NEMP2: variants seen among roughly 807,000 people sequenced by gnomAD.
NEMP2 encodes the protein UPF0571 transmembrane protein.
NEMP2 carries 53 observed loss-of-function variants against 54.2 expected under a neutral mutation model. The ratio of observed to expected loss-of-function variants is 0.98; its 90% CI spans 0.78 to 1.23. The LOEUF (loss-of-function observed/expected upper bound fraction) is 1.23. Among genes scored for constraint, NEMP2 ranks in the 50% most tolerant of loss-of-function variants. The probability of loss-of-function intolerance (pLI) is 0.00; values close to 1 mark genes in which losing one functional copy is unlikely to be tolerated. For synonymous variants in NEMP2, 197 were observed against 190.3 expected (o/e 1.04, Z -0.29); for missense variants, 455 against 511.3 (o/e 0.89, Z 1.06).
the NEMP2 span, among the ~76,000 whole-genome samples, chr2:190,642,548 CTATA>C: frequency 3.3e-5 from 5 of 152,112 alleles, no homozygotes; most frequent in South Asian, 2.1e-4. The surrounding 1 kb of genome is among the most constrained non-coding windows in gnomAD (Gnocchi z 4.1). Flanking sequence ...TTTATAATCT[CTATA>C]TATTTAAAAA....
chr2:190,617,968 C>T, the NEMP2 span, among the ~76,000 whole-genome samples: 3 of 152,202 alleles, frequency 2.0e-5, no homozygotes, highest in African/African-American at 4.8e-5. This position sits in a 1 kb window ranked among gnomAD's most constrained non-coding sequence, Gnocchi z 5.0. Flanking sequence ...TAGCTACTGC[C>T]CATTCTTTAA....
At chr2:190,422,484 G>C in the NEMP2 span, among the ~76,000 whole-genome samples, 1 of 152,180 alleles carries the variant, frequency 6.6e-6, no homozygotes, top group Admixed American at 6.5e-5. Flanking sequence ...GTGAGAAATT[G>C]CATGTGTAAA....
At chr2:190,642,986 A>G in the NEMP2 span, among the ~76,000 whole-genome samples, 1 of 144,192 alleles carries the variant, frequency 6.9e-6, no homozygotes, top group East Asian at 2.1e-4. The surrounding 1 kb of genome is among the most constrained non-coding windows in gnomAD (Gnocchi z 4.1). Flanking sequence ...TTTCACTGAA[A>G]ACTTTTTTTT....
the NEMP2 span, among the ~76,000 whole-genome samples, chr2:190,463,226 C>A: frequency 2.0e-5 from 3 of 152,168 alleles, no homozygotes; most frequent in East Asian, 5.8e-4. The surrounding 1 kb of genome is among the most constrained non-coding windows in gnomAD (Gnocchi z 4.4). Flanking sequence ...AGATTTAATT[C>A]TTTCAAGGCC....
At position 190,533,206 on chromosome 2, in the gene NEMP2, A is replaced by C. The variant is rs1327352044; in HGVS notation, c.97+1353T>G. 6.6e-6 allele frequency among the ~76,000 whole-genome samples: 1 copy of C among 152,236 alleles called. No individual in the cohort carries two copies. Among genetic ancestry groups the C allele is most frequent in the East Asian group, 1.9e-4 (1 of 5,196 alleles). On this transcript the variant is annotated intron_variant, in intron 1 of 8. Coordinates refer to ENST00000409150, the MANE Select transcript of NEMP2 (RefSeq NM_001142645.2). The surrounding 1 kb of genome is among the most constrained non-coding windows in gnomAD (Gnocchi z 4.3). Reference sequence around the variant, plus strand: ...AGGTTATACCACAAGTTGTGGCTGAAGGAATGAGTGGTCTAGAACCCAAGG... The same window carrying C: ...AGGTTATACCACAAGTTGTGGCTGACGGAATGAGTGGTCTAGAACCCAAGG...
the NEMP2 span, among the ~76,000 whole-genome samples, chr2:190,642,204 GT>G: frequency 6.6e-6 from 1 of 151,798 alleles, no homozygotes; most frequent in Non-Finnish European, 1.5e-5. The surrounding 1 kb of genome is among the most constrained non-coding windows in gnomAD (Gnocchi z 4.1). Context: ...ACCATCTCGG[GT>G]TTTTTTTTTG....
chr2:190,635,497 T>C, the NEMP2 span, among the ~76,000 whole-genome samples: 1 of 152,204 alleles, frequency 6.6e-6, no homozygotes, highest in Non-Finnish European at 1.5e-5. The surrounding 1 kb of genome is among the most constrained non-coding windows in gnomAD (Gnocchi z 4.1). Flanking sequence ...TTTACAGGCA[T>C]GAGCCACTGC....
chr2:190,601,708 C>G, the NEMP2 span, among the ~76,000 whole-genome samples: 1 of 152,166 alleles, frequency 6.6e-6, no homozygotes, highest in African/African-American at 2.4e-5. The surrounding 1 kb of genome is among the most constrained non-coding windows in gnomAD (Gnocchi z 5.8). Context: ...GCCAAAGAAT[C>G]TGTTTCTCCA....
the NEMP2 span, among the ~76,000 whole-genome samples, chr2:190,470,633 G>T: frequency 6.6e-6 from 1 of 152,164 alleles, no homozygotes; most frequent in Non-Finnish European, 1.5e-5. Flanking sequence ...TCTGTGATTT[G>T]ATTATATACG....
the NEMP2 span, among the ~76,000 whole-genome samples, chr2:190,563,598 C>T: frequency 2.6e-5 from 4 of 152,238 alleles, no homozygotes; most frequent in Admixed American, 6.5e-5. The surrounding 1 kb of genome is among the most constrained non-coding windows in gnomAD (Gnocchi z 4.3). Context: ...TCTACCACAA[C>T]GTATATGTAT....
the NEMP2 span, among the ~76,000 whole-genome samples, chr2:190,467,280 C>T: frequency 2.0e-5 from 3 of 152,154 alleles, no homozygotes; most frequent in African/African-American, 7.2e-5. This position sits in a 1 kb window ranked among gnomAD's most constrained non-coding sequence, Gnocchi z 5.5. Flanking sequence ...GCCTCGGCAT[C>T]TGTAGTTGTA....
upstream of NEMP2, among the ~76,000 whole-genome samples, chr2:190,539,325 A>C (rs1457283719): frequency 6.6e-6 from 1 of 152,170 alleles, no homozygotes; most frequent in Non-Finnish European, 1.5e-5. The surrounding 1 kb of genome is among the most constrained non-coding windows in gnomAD (Gnocchi z 4.1). Flanking sequence ...TTGTTATGCC[A>C]GTACCCTTCT....
chr2:190,439,956 A>C, the NEMP2 span, among the ~76,000 whole-genome samples: 1 of 152,208 alleles, frequency 6.6e-6, no homozygotes, highest in African/African-American at 2.4e-5. This position sits in a 1 kb window ranked among gnomAD's most constrained non-coding sequence, Gnocchi z 5.8. Context: ...TTGGGGATTT[A>C]AACTTTCCAC....
At chr2:190,443,800 A>G in the NEMP2 span, among the ~76,000 whole-genome samples, 1 of 152,200 alleles carries the variant, frequency 6.6e-6, no homozygotes, top group Non-Finnish European at 1.5e-5. This position sits in a 1 kb window ranked among gnomAD's most constrained non-coding sequence, Gnocchi z 4.2. Flanking sequence ...CACACCTATA[A>G]TCCCAGCACT....
At chr2:190,426,953 CTT>C in the NEMP2 span, among the ~76,000 whole-genome samples, 1 of 152,334 alleles carries the variant, frequency 6.6e-6, no homozygotes, top group African/African-American at 2.4e-5. This position sits in a 1 kb window ranked among gnomAD's most constrained non-coding sequence, Gnocchi z 4.7. Flanking sequence ...CACTCAGCCT[CTT>C]TGGATACCTG....
At chr2:190,609,100 G>A in the NEMP2 span, 1 of 152,154 alleles carries the variant, frequency 6.6e-6, no homozygotes. This position sits in a 1 kb window ranked among gnomAD's most constrained non-coding sequence, Gnocchi z 4.7. Flanking sequence ...AGATGAACTG[G>A]GGACGAAGAG....
rs1690274057 is a variant in NEMP2, at chr2:190,509,275, G to A, written c.1168C>T (p.Pro390Ser). ...TCTTCATGCAGACTGATTTCTTCAG[G>A]TGACAAGTGGCTTCCTCCAAGAACA... is the stretch of plus-strand genomic sequence containing the variant. ...DFVLGGSHLS[P>S]EEISLHEEQY... Residue 390 changes from proline (P) to serine (S), a missense_variant, in exon 9 of 9, where the codon CCT becomes TCT. This residue lies in a region of NEMP2 where 294 missense variants were observed against 333.6 expected (regional missense o/e 0.88). Transcript: ENST00000409150. The surrounding 1 kb of genome is among the most constrained non-coding windows in gnomAD (Gnocchi z 6.1). 1.3e-6 allele frequency: 2 copies of A among 1,551,548 alleles called. No individual in the cohort carries two copies. The highest frequency in any genetic ancestry group is 2.0e-5 in the Admixed American group (1 of 50,978).
chr2:190,619,799 C>T, the NEMP2 span, among the ~76,000 whole-genome samples: 1 of 151,944 alleles, frequency 6.6e-6, no homozygotes, highest in Non-Finnish European at 1.5e-5. This position sits in a 1 kb window ranked among gnomAD's most constrained non-coding sequence, Gnocchi z 5.5. Flanking sequence ...GGCAAAGTGC[C>T]AAAAGTTGAG....
chr2:190,476,805 A>G, the NEMP2 span, among the ~76,000 whole-genome samples: 114 of 152,158 alleles, frequency 7.5e-4, no homozygotes, highest in Non-Finnish European at 2.2e-4. Context: ...GAACCAACCC[A>G]TATGTCCAAC....
Sources: gnomAD v4.1 joint callset for allele counts (sites outside exome capture counted in the v4.1 genomes callset) on GRCh38, gnomAD v4.1.1 for gene constraint, gnomAD v4.1.1 regional missense constraint, Gnocchi (gnomAD v3.1) non-coding constraint, MANE v1.5 for transcripts, NCBI Gene and HGNC (gene_info 2026-07-23, HGNC 2026-07-21) for gene names.